Variants in CERS3 observed in about 807,000 individuals in gnomAD.
CERS3 encodes ceramide synthase 3.
In CERS3, 33 loss-of-function variants were observed where a neutral mutation model predicts 50.3. The observed-to-expected ratio is 0.66, with a 90% CI of 0.50 to 0.88. The LOEUF (loss-of-function observed/expected upper bound fraction) is 0.88. Ranked by LOEUF, CERS3 falls within the 40% of genes least tolerant of loss-of-function variation. The pLI, the probability that CERS3 is intolerant of heterozygous loss-of-function variation, is 0.00. For missense variants in CERS3, 470 were observed against 460.3 expected, an observed-to-expected ratio of 1.02 and a Z score of -0.19; for synonymous variants, 176 against 155.2, an observed-to-expected ratio of 1.13 and a Z score of -0.99.
chr15:100,509,318 G>A (rs981224571), intron 2 of CERS3, among the ~76,000 whole-genome samples: 1 of 152,210 alleles, frequency 6.6e-6, no homozygotes, highest in African/African-American at 2.4e-5. Context: ...AAATATGACA[G>A]TCTAACTTTT....
At chr15:100,490,743 C>A (rs183534907) in intron 4 of CERS3, 74 bp downstream of exon 4, 2 of 868,584 alleles carry the variant, frequency 2.3e-6, no homozygotes, top group Admixed American at 2.1e-5. Flanking sequence ...CTTGCACACA[C>A]AAGGTAAGCT....
chr15:100,420,563 T>A, intron 11 of CERS3, among the ~76,000 whole-genome samples: 1 of 151,794 alleles, frequency 6.6e-6, no homozygotes, highest in South Asian at 2.1e-4. Context: ...AAAGAGGGAA[T>A]CCTCCCTAAC....
At chr15:100,450,598 T>A (rs1319374021) in intron 11 of CERS3, among the ~76,000 whole-genome samples, 2 of 152,030 alleles carry the variant, frequency 1.3e-5, no homozygotes, top group Non-Finnish European at 2.9e-5. Flanking sequence ...ACTTTTGGTG[T>A]TTCAGAGGTG....
chr15:100,439,511 C>T (rs948735493), intron 11 of CERS3, among the ~76,000 whole-genome samples: 1 of 152,226 alleles, frequency 6.6e-6, no homozygotes, highest in Non-Finnish European at 1.5e-5. Context: ...TTTTTGGAGG[C>T]ACATGAACAT....
chr15:100,508,880 T>A (rs2036258266), intron 2 of CERS3, among the ~76,000 whole-genome samples: 2 of 152,180 alleles, frequency 1.3e-5, no homozygotes, highest in Non-Finnish European at 1.5e-5. Flanking sequence ...CTGCAATTTT[T>A]ACTCATGTAA....
chr15:100,507,013 C>T (rs1358786284), intron 2 of CERS3, among the ~76,000 whole-genome samples: 1 of 152,156 alleles, frequency 6.6e-6, no homozygotes, highest in Non-Finnish European at 1.5e-5. Flanking sequence ...AACCTTTACA[C>T]CTTTTAATCT....
chr15:100,407,430 A>T (rs1259855153), intron 11 of CERS3, among the ~76,000 whole-genome samples: 1 of 152,266 alleles, frequency 6.6e-6, no homozygotes, highest in African/African-American at 2.4e-5. Flanking sequence ...GGATGCTGGC[A>T]GTCCTGCAAT....
Position 100,402,771 on chromosome 15 carries a change from A to C in CERS3, c.1094T>G (p.Leu365Ter). 1 of 1,614,206 alleles carries C rather than the reference A, an allele frequency of 6.2e-7. No homozygotes were observed. Among genetic ancestry groups the C allele is most frequent in the Non-Finnish European group, 8.5e-7 (1 of 1,180,028 alleles). Reference sequence around the variant, plus strand: ...CCTCTCAGCCCTGAGGCCGTTCTTTAAACAATCCATCTCTTTGCCTTTGGT... The same window carrying C: ...CCTCTCAGCCCTGAGGCCGTTCTTTCAACAATCCATCTCTTTGCCTTTGGT... ...EATKGKEMDC[L>*]KNGLRAERHL... Residue 365 changes from leucine (L) to a stop codon, truncating the protein, a stop_gained, in exon 12 of 12, where the codon TTA (leucine) becomes TGA (stop). Transcript: ENST00000679737. LOFTEE classifies it high-confidence loss of function.
At chr15:100,441,941 C>A (rs1415134077) in intron 11 of CERS3, among the ~76,000 whole-genome samples, 2 of 152,066 alleles carry the variant, frequency 1.3e-5, no homozygotes, top group Admixed American at 6.5e-5. Context: ...CTCTCCCCTC[C>A]TCACCAGGCT....
chr15:100,542,266 TAGAAA>T (rs1343629597), intron 1 of CERS3, among the ~76,000 whole-genome samples: 2 of 152,202 alleles, frequency 1.3e-5, no homozygotes, highest in Non-Finnish European at 2.9e-5. Flanking sequence ...ATAACTGGAC[TAGAAA>T]AGAAAACTCT....
chr15:100,516,421 C>T (rs1157037732), intron 2 of CERS3, among the ~76,000 whole-genome samples: 1 of 152,082 alleles, frequency 6.6e-6, no homozygotes. Flanking sequence ...GTTTACTGGC[C>T]TGTTAAATGG....
chr15:100,529,306 C>T (rs977249101), upstream of CERS3: 19 of 152,336 alleles, frequency 1.2e-4, no homozygotes, highest in African/African-American at 4.6e-4. Context: ...CTCCAGAAAA[C>T]AGGCAGGGCT....
intron 5 of CERS3, among the ~76,000 whole-genome samples, chr15:100,483,040 G>A (rs937529082): frequency 2.0e-5 from 3 of 152,178 alleles, no homozygotes; most frequent in Non-Finnish European, 4.4e-5. Context: ...TGAATATATT[G>A]CATAATTTCC....
At chr15:100,483,791 T>TATTATTA (rs2035399114) in intron 5 of CERS3, among the ~76,000 whole-genome samples, 2 of 123,464 alleles carry the variant, frequency 1.6e-5, no homozygotes, top group African/African-American at 5.9e-5. Flanking sequence ...ATTATTATTT[T>TATTATTA]TTTTTTTGAG....
At chr15:100,516,956 A>G (rs2142374159) in intron 2 of CERS3, among the ~76,000 whole-genome samples, 1 of 152,300 alleles carries the variant, frequency 6.6e-6, no homozygotes, top group East Asian at 1.9e-4. Context: ...CCTGCTAATA[A>G]AAGGAGTTTG....
Position 100,479,701 on chromosome 15 carries a change from C to T in CERS3, c.466-223G>A, listed in dbSNP as rs528872482. ...CTATATAACATCTCTGTGAAATTCA[C>T]TACTAGTGAATCTAAGATAAGTAAA... On this transcript the variant is annotated intron_variant, in intron 6 of 11. Transcript: ENST00000679737. Among the ~76,000 whole-genome samples the T allele has an allele frequency of 2.2e-3, 334 of 152,238 alleles. 1 individual carries two copies. Among genetic ancestry groups the T allele is most frequent in the Middle Eastern group, 0.02 (6 of 294 alleles).
intron 11 of CERS3, among the ~76,000 whole-genome samples, chr15:100,438,303 C>G (rs1043404367): frequency 6.6e-6 from 1 of 152,060 alleles, no homozygotes; most frequent in Admixed American, 6.6e-5. Flanking sequence ...CCTCAGCCTC[C>G]CAAAGTGCTA....
At chr15:100,471,624 G>T (rs1326274305) in intron 9 of CERS3, among the ~76,000 whole-genome samples, 1 of 152,056 alleles carries the variant, frequency 6.6e-6, no homozygotes, top group Non-Finnish European at 1.5e-5. Context: ...AGAGAAGGAG[G>T]TAATTACACC....
intron 2 of CERS3, among the ~76,000 whole-genome samples, chr15:100,518,027 T>C (rs1183369201): frequency 6.6e-6 from 1 of 152,240 alleles, no homozygotes; most frequent in Non-Finnish European, 1.5e-5. Flanking sequence ...CATTCATCTC[T>C]CTGGCCAGGG....
Sources: allele counts gnomAD v4.1 joint callset (sites outside exome capture counted in the v4.1 genomes callset), GRCh38; gene constraint gnomAD v4.1.1; transcripts MANE v1.5; gene names NCBI Gene and HGNC (gene_info 2026-07-23, HGNC 2026-07-21).